PDE4B: variants seen among roughly 807,000 people sequenced by gnomAD.
PDE4B encodes 3',5'-cyclic-AMP phosphodiesterase 4B.
A neutral mutation model predicts 82.2 loss-of-function variants in PDE4B; 20 were observed. The ratio of observed to expected loss-of-function variants is 0.24; its 90% CI spans 0.17 to 0.35. The LOEUF is 0.35. Ranked by LOEUF, PDE4B falls within the 10% of genes least tolerant of loss-of-function variation. The pLI, the probability that PDE4B is intolerant of heterozygous loss-of-function variation, is 1.00. For missense variants in PDE4B, 655 were observed against 907.2 expected (o/e 0.72, Z 3.57); for synonymous variants, 320 against 318.9 (o/e 1.00, Z -0.04).
chr1:65,936,027 CT>C (rs1328945698), intron 3 of PDE4B, among the ~76,000 whole-genome samples: 3 of 152,058 alleles, frequency 2.0e-5, no homozygotes, highest in African/African-American at 7.2e-5. Context: ...ATTCTATAAG[CT>C]TTTTTCTTTT....
At chr1:66,275,160 T>A (rs921441544) in intron 7 of PDE4B, among the ~76,000 whole-genome samples, 12 of 152,240 alleles carry the variant, frequency 7.9e-5, no homozygotes, top group Non-Finnish European at 1.3e-4. Flanking sequence ...GGACTTCTGG[T>A]AAACCAAATC....
intron 3 of PDE4B, among the ~76,000 whole-genome samples, chr1:66,000,211 A>G (rs1651788442): frequency 1.3e-5 from 2 of 152,208 alleles, no homozygotes; most frequent in East Asian, 1.9e-4. Flanking sequence ...AAAGCTCTAC[A>G]TATCTCTCAC....
chr1:66,265,573 C>A (rs1057248906), intron 6 of PDE4B, among the ~76,000 whole-genome samples: 1 of 152,138 alleles, frequency 6.6e-6, no homozygotes, highest in Admixed American at 6.5e-5. Flanking sequence ...AGTGACTTCA[C>A]CTCTCTAGGT....
intron 3 of PDE4B, among the ~76,000 whole-genome samples, chr1:65,953,579 T>G (rs1010468074): frequency 6.6e-6 from 1 of 152,088 alleles, no homozygotes; most frequent in Non-Finnish European, 1.5e-5. Context: ...GATTCTTCCC[T>G]TGATCCCCAG....
intron 3 of PDE4B, among the ~76,000 whole-genome samples, chr1:65,948,545 C>A (rs1197563057): frequency 2.6e-5 from 4 of 151,954 alleles, no homozygotes; most frequent in African/African-American, 9.7e-5. Context: ...TATTCACTGG[C>A]AGCTGATTAG....
At chr1:65,993,267 A>C in intron 3 of PDE4B, 1 of 673,200 alleles carries the variant, frequency 1.5e-6, no homozygotes, top group Admixed American at 3.0e-5. Flanking sequence ...GTGTGAAATG[A>C]ATGGAGACCA....
intron 3 of PDE4B, among the ~76,000 whole-genome samples, chr1:66,213,049 C>CT (rs554086365): frequency 3.3e-5 from 5 of 152,092 alleles, no homozygotes; most frequent in East Asian, 1.9e-4. Context: ...TTTTCTTTTT[C>CT]TTTTTTTTCC....
intron 1 of PDE4B, among the ~76,000 whole-genome samples, chr1:65,860,293 C>T (rs1646439573): frequency 6.6e-6 from 1 of 152,160 alleles, no homozygotes; most frequent in Non-Finnish European, 1.5e-5. Flanking sequence ...TGAGAACATG[C>T]AGTGTTTAGT....
At position 66,351,416 on chromosome 1, in the gene PDE4B, A is replaced by G. The variant is rs561065948; in HGVS notation, c.748-4111A>G. The stretch of plus-strand genomic sequence containing the variant: ...AACTCCTTGGGACACAGTTTTACCC[A>G]GGAGCTATTTTACCTTCGAGTCTGG... On this transcript the variant is annotated intron_variant, in intron 8 of 16. Coordinates refer to ENST00000341517, the MANE Select transcript of PDE4B (RefSeq NM_002600.4). Among the ~76,000 whole-genome samples the G allele has an allele frequency of 9.8e-4, 150 of 152,326 alleles. 1 individual carries two copies. The highest frequency in any genetic ancestry group is 3.5e-3 in the African/African-American group (144 of 41,574).
At chr1:66,354,843 C>T (rs1033208223) in intron 8 of PDE4B, 1 of 1,535,586 alleles carries the variant, frequency 6.5e-7, no homozygotes, top group Non-Finnish European at 8.7e-7. Flanking sequence ...GAGAGCATTC[C>T]AAAATGCCTG....
intron 1 of PDE4B, among the ~76,000 whole-genome samples, chr1:65,816,148 A>G (rs1223655623): frequency 1.3e-5 from 2 of 150,502 alleles, no homozygotes; most frequent in Non-Finnish European, 3.0e-5. Flanking sequence ...ATTTTTTAAA[A>G]TCAGTGTGAT....
At chr1:65,900,662 A>G (rs745674445) in intron 1 of PDE4B, among the ~76,000 whole-genome samples, 1 of 152,026 alleles carries the variant, frequency 6.6e-6, no homozygotes, top group Non-Finnish European at 1.5e-5. Flanking sequence ...CCTTCTAAAG[A>G]TATTTCACCT....
intron 1 of PDE4B, among the ~76,000 whole-genome samples, chr1:65,889,347 G>C (rs184524278): frequency 1.3e-5 from 2 of 151,930 alleles, no homozygotes; most frequent in African/African-American, 4.8e-5. Context: ...GTGTTTTGTT[G>C]AGGATTTATG....
chr1:66,305,513 G>A (rs112040114), intron 7 of PDE4B, among the ~76,000 whole-genome samples: 20 of 152,232 alleles, frequency 1.3e-4, no homozygotes, highest in African/African-American at 4.6e-4. Context: ...TTAACTGGGT[G>A]TCTGGTTTGT....
intron 3 of PDE4B, among the ~76,000 whole-genome samples, chr1:66,000,198 A>G (rs1347959996): frequency 6.6e-6 from 1 of 152,226 alleles, no homozygotes; most frequent in Admixed American, 6.5e-5. Flanking sequence ...GCATCAGCTC[A>G]GGAAAGCTCT....
intron 3 of PDE4B, among the ~76,000 whole-genome samples, chr1:65,931,600 A>T (rs1003731849): frequency 2.0e-5 from 3 of 152,208 alleles, no homozygotes; most frequent in Admixed American, 2.0e-4. Flanking sequence ...CAGAAGTGAT[A>T]CCCTCCTTCC....
intron 3 of PDE4B, among the ~76,000 whole-genome samples, chr1:65,969,599 A>C (rs1650026051): frequency 6.6e-6 from 1 of 152,154 alleles, no homozygotes; most frequent in South Asian, 2.1e-4. Context: ...TTTTGAGAAG[A>C]TCTACTGCAT....
At chr1:66,257,884 G>A (rs1177993094) in intron 6 of PDE4B, 21 bp downstream of exon 6, 9 of 1,578,744 alleles carry the variant, frequency 5.7e-6, no homozygotes, top group Non-Finnish European at 7.8e-6. Flanking sequence ...ACTTTTTTGT[G>A]GAGTTTGAAT....
chr1:65,913,489 C>A, intron 2 of PDE4B, 133 bp downstream of exon 2: 1 of 781,516 alleles, frequency 1.3e-6, no homozygotes, highest in African/African-American at 1.7e-5. Flanking sequence ...ATGGGCACAG[C>A]CAGCACCTGG....
Sources: allele counts gnomAD v4.1 joint callset (sites outside exome capture counted in the v4.1 genomes callset), GRCh38; gene constraint gnomAD v4.1.1; transcripts MANE v1.5; gene names NCBI Gene and HGNC (gene_info 2026-07-23, HGNC 2026-07-21).